Variants in RTL4 observed in about 807,000 individuals in gnomAD.
The protein encoded by RTL4 is retrotransposon Gag-like protein 4.
A neutral mutation model predicts 5.3 loss-of-function variants in RTL4; 4 were observed. The observed-to-expected ratio is 0.75, with a 90% confidence interval of 0.37 to 1.72. The LOEUF (loss-of-function observed/expected upper bound fraction) is 1.72. Ranked by LOEUF, RTL4 falls within the 40% of genes most tolerant of loss-of-function variation. The probability of loss-of-function intolerance (pLI) is 0.04; values close to 1 mark genes in which losing one functional copy is unlikely to be tolerated. For missense variants in RTL4, 260 were observed against 227.1 expected (o/e 1.14, Z -0.93); for synonymous variants, 98 against 87.3 (o/e 1.12, Z -0.68).
chrX:112,124,145 G>A, the RTL4 span, among the ~76,000 whole-genome samples: 1 of 111,951 alleles, frequency 8.9e-6, no homozygotes, highest in African/African-American at 3.2e-5. Context: ...CAGAAAGAAT[G>A]GTGATTATTA....
At chrX:112,185,376 AATATATATATAT>A in the RTL4 span, among the ~76,000 whole-genome samples, 3 of 85,351 alleles carry the variant, frequency 3.5e-5, no homozygotes, top group Non-Finnish European at 6.7e-5. Flanking sequence ...CTATTTTATT[AATATATATATAT>A]ATATATATAT....
the RTL4 span, among the ~76,000 whole-genome samples, chrX:112,269,454 G>A: frequency 1.2e-4 from 13 of 110,548 alleles, no homozygotes; most frequent in African/African-American, 4.3e-4. Context: ...ATCACACTTG[G>A]TATCAGGGTA....
chrX:112,449,805 ATG>A (rs1231137252), upstream of RTL4, among the ~76,000 whole-genome samples: 6 of 111,985 alleles, frequency 5.4e-5, no homozygotes, highest in Admixed American at 5.7e-4. Flanking sequence ...AGAATTTTGT[ATG>A]TGTGCTAAAG....
At chrX:112,196,269 C>T in the RTL4 span, among the ~76,000 whole-genome samples, 21,202 of 110,236 alleles carry the variant, frequency 0.19, 1,541 homozygotes, top group African/African-American at 0.21. Flanking sequence ...TTTTTTCACT[C>T]GACGTAATTT....
chrX:112,446,518 T>C, the RTL4 span, among the ~76,000 whole-genome samples: 89 of 112,243 alleles, frequency 7.9e-4, no homozygotes, highest in African/African-American at 2.7e-3. Context: ...GAAAACATAC[T>C]GAGGTACACT....
At chrX:112,200,891 C>T in the RTL4 span, among the ~76,000 whole-genome samples, 1 of 111,586 alleles carries the variant, frequency 9.0e-6, no homozygotes, top group African/African-American at 3.3e-5. Context: ...AGTTGGAATT[C>T]AGAGAGTGTA....
the RTL4 span, among the ~76,000 whole-genome samples, chrX:112,108,638 TG>T: frequency 3.6e-5 from 4 of 111,685 alleles, no homozygotes; most frequent in South Asian, 1.5e-3. Context: ...CCTATATCCT[TG>T]GGGGCTTGCC....
At chrX:112,254,380 A>G in the RTL4 span, among the ~76,000 whole-genome samples, 1 of 108,252 alleles carries the variant, frequency 9.2e-6, no homozygotes, top group African/African-American at 3.4e-5. Flanking sequence ...ACCAGGCTGG[A>G]GTGCAGTGGT....
At chrX:112,400,579 G>A in the RTL4 span, among the ~76,000 whole-genome samples, 2 of 110,668 alleles carry the variant, frequency 1.8e-5, no homozygotes, top group African/African-American at 3.3e-5. Context: ...TTTTTTGTCT[G>A]CCTAGTAATT....
At chrX:112,133,929 T>C in the RTL4 span, among the ~76,000 whole-genome samples, 6 of 111,952 alleles carry the variant, frequency 5.4e-5, no homozygotes, top group Admixed American at 1.9e-4. Context: ...CTCAGTAATT[T>C]CTTCTTTCCT....
At chrX:112,343,394 C>T in the RTL4 span, among the ~76,000 whole-genome samples, 1 of 111,587 alleles carries the variant, frequency 9.0e-6, no homozygotes, top group Admixed American at 9.5e-5. Context: ...TCTTACTTTT[C>T]GGGATCTTGA....
At chrX:112,383,051 CA>C in the RTL4 span, among the ~76,000 whole-genome samples, 1 of 111,624 alleles carries the variant, frequency 9.0e-6, no homozygotes, top group South Asian at 3.7e-4. Context: ...TAAAAGATAG[CA>C]AGTAAAATGA....
chrX:112,164,625 T>A, the RTL4 span, among the ~76,000 whole-genome samples: 1 of 111,959 alleles, frequency 8.9e-6, no homozygotes, highest in Non-Finnish European at 1.9e-5. Context: ...AGGCTGAGTG[T>A]CACTGTCTTT....
the RTL4 span, among the ~76,000 whole-genome samples, chrX:112,268,454 T>C: frequency 1.8e-5 from 2 of 111,749 alleles, no homozygotes. Flanking sequence ...CAGATTGAAC[T>C]CTCACCTATA....
chrX:112,338,734 T>C, the RTL4 span, among the ~76,000 whole-genome samples: 4,879 of 111,563 alleles, frequency 0.044, 266 homozygotes, highest in African/African-American at 0.15. Flanking sequence ...TGTCATCCCC[T>C]TTCTACTACA....
At chrX:112,161,590 C>G in the RTL4 span, among the ~76,000 whole-genome samples, 2 of 111,132 alleles carry the variant, frequency 1.8e-5, no homozygotes, top group Non-Finnish European at 3.8e-5. Context: ...GGGAGAGAAC[C>G]TTGGAGGACA....
chrX:112,177,976 A>C, the RTL4 span, among the ~76,000 whole-genome samples: 1 of 110,429 alleles, frequency 9.1e-6, no homozygotes, highest in Non-Finnish European at 1.9e-5. Flanking sequence ...TAAAAAAAAA[A>C]AAACAGTCAA....
the RTL4 span, among the ~76,000 whole-genome samples, chrX:112,311,092 A>T: frequency 3.7e-5 from 4 of 107,559 alleles, no homozygotes; most frequent in Admixed American, 2.1e-4. Flanking sequence ...TGCTCCTTGG[A>T]GTTGTGTCTT....
chrX:112,190,140 CT>C, the RTL4 span, among the ~76,000 whole-genome samples: 2 of 18,172 alleles, frequency 1.1e-4, no homozygotes, highest in African/African-American at 2.5e-4. Context: ...TAGCCTGTCC[CT>C]TTCTTTCTTT....
Sources: allele counts gnomAD v4.1 joint callset (sites outside exome capture counted in the v4.1 genomes callset), GRCh38; gene constraint gnomAD v4.1.1; transcripts MANE v1.5; gene names NCBI Gene and HGNC (gene_info 2026-07-23, HGNC 2026-07-21).